Variants in WWP1 observed in about 807,000 individuals in gnomAD.
WWP1 encodes the protein WW domain containing E3 ubiquitin protein ligase 1.
Under a neutral mutation model 130.6 loss-of-function variants are expected in WWP1, and 49 were observed. The observed-to-expected ratio is 0.38, with a 90% CI of 0.30 to 0.48. The LOEUF is 0.48. WWP1 is among the 20% of genes least tolerant of loss of function. WWP1 has a pLI of 0.99. For synonymous variants in WWP1, 332 were observed against 367.8 expected (o/e 0.90, Z 1.11); for missense variants, 809 against 1,100.6 (o/e 0.74, Z 3.75).
chr8:86,380,349 G>A (rs1433092840), intron 3 of WWP1, among the ~76,000 whole-genome samples: 2 of 152,072 alleles, frequency 1.3e-5, no homozygotes, highest in African/African-American at 2.4e-5. Flanking sequence ...AGGGATGGGG[G>A]TGGGGAGAGG....
chr8:86,360,786 G>A (rs1489401323), intron 1 of WWP1, among the ~76,000 whole-genome samples: 1 of 152,170 alleles, frequency 6.6e-6, no homozygotes, highest in African/African-American at 2.4e-5. Context: ...ATATATGAAC[G>A]TCTGTAATTG....
intron 10 of WWP1, 89 bp from the exon 11 acceptor site, chr8:86,427,554 A>G (rs1809702452): frequency 1.5e-6 from 2 of 1,362,366 alleles, no homozygotes; most frequent in Non-Finnish European, 9.9e-7. Flanking sequence ...ACATGTCTTG[A>G]ACTTGATATT....
At chr8:86,380,183 G>A (rs1406893775) in intron 3 of WWP1, among the ~76,000 whole-genome samples, 1 of 152,098 alleles carries the variant, frequency 6.6e-6, no homozygotes, top group Non-Finnish European at 1.5e-5. Context: ...AAGGAGTGGA[G>A]TACTGGTGCA....
At position 86,401,439 on chromosome 8, in the gene WWP1, G is replaced by T. The variant is rs1219694598; in HGVS notation, c.540-580G>T. On this transcript the variant is annotated intron_variant, in intron 7 of 24. Coordinates refer to ENST00000517970, the MANE Select transcript of WWP1 (RefSeq NM_007013.4). ...GCTGGGCACTGTGATGCACGTCTGT[G>T]ATCCTAGCTGATCAAGAGGCTGAGG... 3.3e-5 allele frequency among the ~76,000 whole-genome samples: 5 copies of T among 151,714 alleles called. No individual in the cohort carries two copies. The East Asian group carries it at 9.7e-4, about 30-fold the overall frequency.
At chr8:86,390,003 T>G (rs1036687781) in intron 5 of WWP1, among the ~76,000 whole-genome samples, 1 of 147,680 alleles carries the variant, frequency 6.8e-6, no homozygotes, top group East Asian at 2.1e-4. Context: ...GAGACGCTCC[T>G]CACCTCCCAG....
intron 22 of WWP1, among the ~76,000 whole-genome samples, chr8:86,460,445 G>T (rs779872032): frequency 5.9e-5 from 9 of 152,176 alleles, no homozygotes; most frequent in Non-Finnish European, 1.0e-4. Flanking sequence ...TTCCTTATAT[G>T]TACAGTGGGG....
chr8:86,433,982 C>G (rs1338475796), intron 14 of WWP1, among the ~76,000 whole-genome samples: 1 of 152,060 alleles, frequency 6.6e-6, no homozygotes, highest in Non-Finnish European at 1.5e-5. Flanking sequence ...ACAAACAGTC[C>G]ATCAAGAATT....
In WWP1 at chr8:86,393,994, G is replaced by T. The variant is rs150648048; in HGVS notation, c.335-4348G>T. ...GACTCTCACAAAGCCCTGTGGCGGG[G>T]CACTGAGGTCTCCTCTCAGCAGCCA... On this transcript the variant is annotated intron_variant, in intron 5 of 24. Coordinates refer to ENST00000517970, the MANE Select transcript of WWP1 (RefSeq NM_007013.4). 2.4e-3 allele frequency among the ~76,000 whole-genome samples: 364 copies of T among 152,346 alleles called. 3 individuals are homozygous for T. The highest frequency in any genetic ancestry group is 8.1e-3 in the African/African-American group (336 of 41,582).
chr8:86,402,696 T>C (rs1218158197), intron 8 of WWP1, among the ~76,000 whole-genome samples: 1 of 152,238 alleles, frequency 6.6e-6, no homozygotes, highest in Non-Finnish European at 1.5e-5. Flanking sequence ...TTTAGGAAGA[T>C]ATTTCAAAAA....
At chr8:86,443,755 A>G (rs2130728163) in intron 18 of WWP1, among the ~76,000 whole-genome samples, 1 of 152,342 alleles carries the variant, frequency 6.6e-6, no homozygotes, top group South Asian at 2.1e-4. Flanking sequence ...CAGAAATTGA[A>G]GAAAGCTAGG....
chr8:86,380,283 T>C (rs112656747), intron 3 of WWP1, among the ~76,000 whole-genome samples: 3 of 152,178 alleles, frequency 2.0e-5, no homozygotes, highest in African/African-American at 7.2e-5. Context: ...TCCATCTATA[T>C]GAAATGTCCA....
At position 86,410,135 on chromosome 8, in the gene WWP1, G is replaced by T. The variant is rs116631080; in HGVS notation, c.725-1403G>T. ...TCTATAGTCTTCTTGTTCTGTTGTTGTTCAGTTTCAGCTTTGAAAGTTTAC... is the reference window on the plus strand; with the variant it reads ...TCTATAGTCTTCTTGTTCTGTTGTTTTTCAGTTTCAGCTTTGAAAGTTTAC... On this transcript the variant is annotated intron_variant, in intron 8 of 24. Coordinates refer to ENST00000517970, the MANE Select transcript of WWP1 (RefSeq NM_007013.4). Among the ~76,000 whole-genome samples, 531 of 152,144 alleles carry T rather than the reference G, an allele frequency of 3.5e-3. 1 individual carries two copies. Among genetic ancestry groups the T allele is most frequent in the African/African-American group, 0.012 (502 of 41,524 alleles).
chr8:86,429,651 TGTTA>T (rs1809826856), intron 11 of WWP1, among the ~76,000 whole-genome samples: 2 of 152,224 alleles, frequency 1.3e-5, no homozygotes, highest in East Asian at 1.9e-4. Flanking sequence ...TGGAGTTGAG[TGTTA>T]GTTTTATTAG....
At chr8:86,402,621 A>G (rs567793203) in intron 8 of WWP1, among the ~76,000 whole-genome samples, 86 of 152,138 alleles carry the variant, frequency 5.7e-4, no homozygotes, top group Non-Finnish European at 1.1e-3. Context: ...CTTCTAGTCT[A>G]TGATAGGAAT....
chr8:86,441,736 A>G (rs1207513447), intron 17 of WWP1, among the ~76,000 whole-genome samples: 1 of 152,228 alleles, frequency 6.6e-6, no homozygotes, highest in Non-Finnish European at 1.5e-5. Context: ...CTTAAAACCA[A>G]TAATTCAGCA....
At chr8:86,410,570 C>G in intron 8 of WWP1, among the ~76,000 whole-genome samples, 1 of 152,188 alleles carries the variant, frequency 6.6e-6, no homozygotes, top group East Asian at 1.9e-4. Context: ...GAGATTTCCC[C>G]TAGAGATTCA....
chr8:86,342,978 G>A (rs1245142652), intron 1 of WWP1, 48 bp downstream of exon 1: 1 of 265,978 alleles, frequency 3.8e-6, no homozygotes, highest in Middle Eastern at 1.2e-3. Flanking sequence ...GGCAGGGCGG[G>A]AGGGGGCACG....
At chr8:86,461,923 A>T (rs1212834303) in intron 24 of WWP1, 77 bp downstream of exon 24, 2 of 1,230,450 alleles carry the variant, frequency 1.6e-6, no homozygotes, top group East Asian at 4.7e-5. Context: ...AATATGTAAG[A>T]TCCAGTATAA....
intron 17 of WWP1, among the ~76,000 whole-genome samples, chr8:86,441,553 T>C (rs1041803424): frequency 1.1e-4 from 17 of 152,204 alleles, no homozygotes; most frequent in Non-Finnish European, 2.1e-4. Flanking sequence ...AGAATGAAGA[T>C]TTCTGACTTC....
Sources: gnomAD v4.1 joint callset for allele counts (sites outside exome capture counted in the v4.1 genomes callset) on GRCh38, gnomAD v4.1.1 for gene constraint, MANE v1.5 for transcripts, NCBI Gene and HGNC (gene_info 2026-07-23, HGNC 2026-07-21) for gene names.